The following HECW1 variants were observed in gnomAD, a reference collection of about 807,000 sequenced individuals.
The protein encoded by HECW1 is E3 ubiquitin-protein ligase HECW1.
A neutral mutation model predicts 182.3 loss-of-function variants in HECW1; 61 were observed. The ratio of observed to expected loss-of-function variants is 0.33; its 90% CI spans 0.27 to 0.41. HECW1 has a LOEUF of 0.41. HECW1 is among the 10% of genes least tolerant of loss of function. The pLI is 1.00. For synonymous variants in HECW1, 859 were observed against 832.6 expected, an observed-to-expected ratio of 1.03 and a Z score of -0.55; for missense variants, 1,739 against 2,108.9, an observed-to-expected ratio of 0.82 and a Z score of 3.44.
chr7:43,195,870 G>T (rs970363391), intron 2 of HECW1, among the ~76,000 whole-genome samples: 3 of 152,114 alleles, frequency 2.0e-5, no homozygotes, highest in Non-Finnish European at 4.4e-5. Flanking sequence ...CAGAACTGTG[G>T]TGCCACCCAT....
At chr7:43,140,509 C>T (rs372072192) in intron 2 of HECW1, among the ~76,000 whole-genome samples, 57 of 152,354 alleles carry the variant, frequency 3.7e-4, no homozygotes, top group African/African-American at 1.3e-3. Flanking sequence ...AAGAACCACA[C>T]ATCGAATCCA....
chr7:43,327,261 A>G (rs80103686), intron 5 of HECW1, among the ~76,000 whole-genome samples: 2,650 of 152,274 alleles, frequency 0.017, 76 homozygotes, highest in African/African-American at 0.058. Context: ...GTATGACTCC[A>G]TATACATATC....
intron 3 of HECW1, among the ~76,000 whole-genome samples, chr7:43,309,332 G>T (rs921973849): frequency 7.2e-5 from 11 of 152,174 alleles, no homozygotes; most frequent in African/African-American, 1.9e-4. Context: ...CGGCTTTGAG[G>T]CTGCCCTGCT....
chr7:43,291,975 T>C (rs2152755879), intron 3 of HECW1, among the ~76,000 whole-genome samples: 1 of 152,334 alleles, frequency 6.6e-6, no homozygotes, highest in South Asian at 2.1e-4. Flanking sequence ...CAGTTTTAAG[T>C]CCCTGCCTTC....
intron 3 of HECW1, among the ~76,000 whole-genome samples, chr7:43,268,495 A>G (rs113317114): frequency 0.018 from 2,684 of 152,304 alleles, 76 homozygotes; most frequent in African/African-American, 0.06. Context: ...CATGACTTGG[A>G]CATGCTACTG....
At chr7:43,520,433 C>T (rs542638083) in intron 24 of HECW1, among the ~76,000 whole-genome samples, 98 of 152,194 alleles carry the variant, frequency 6.4e-4, no homozygotes, top group African/African-American at 2.2e-3. Flanking sequence ...GCCCTCCCCA[C>T]GCTTCCTTAG....
intron 18 of HECW1, among the ~76,000 whole-genome samples, chr7:43,492,768 A>T (rs1177234887): frequency 6.6e-6 from 1 of 152,158 alleles, no homozygotes; most frequent in Non-Finnish European, 1.5e-5. Flanking sequence ...AGAGAGGAGA[A>T]CTCCTCTTAT....
At chr7:43,156,191 A>G (rs910086134) in intron 2 of HECW1, among the ~76,000 whole-genome samples, 36 of 152,264 alleles carry the variant, frequency 2.4e-4, no homozygotes, top group Non-Finnish European at 4.3e-4. Flanking sequence ...AAAGACTACC[A>G]TATAAAGAAA....
chr7:43,381,096 A>T (rs896605399), intron 6 of HECW1, among the ~76,000 whole-genome samples: 28 of 151,996 alleles, frequency 1.8e-4, no homozygotes, highest in Non-Finnish European at 2.6e-4. Flanking sequence ...TGAAGTGAAC[A>T]TTTTTTCATG....
In HECW1 at chr7:43,565,579, A is replaced by T. The variant is rs11978853; in HGVS notation, c.*3653A>T. 24,380 of 148,176 alleles carry T rather than the reference A, an allele frequency of 0.16. 2,307 individuals are homozygous for T. Among genetic ancestry groups the T allele is most frequent in the Non-Finnish European group, 0.22 (16,668 of 75,240 alleles). 9.2% of individuals were successfully genotyped at this position (148,176 alleles called of 1,614,324 possible). A position where few individuals can be genotyped will look rare whatever the true frequency, so the allele number is the denominator to read the frequency against. On this transcript the variant is annotated 3_prime_UTR_variant, in exon 30 of 30. Coordinates refer to ENST00000395891, the MANE Select transcript of HECW1 (RefSeq NM_015052.5). Reference sequence around the variant, plus strand: ...GTGCTTTATTATTATTATTATTATTATTTTTATTATTATTATTATTACGTA... The same window carrying T: ...GTGCTTTATTATTATTATTATTATTTTTTTTATTATTATTATTATTACGTA...
chr7:43,259,387 CAA>C (rs36088559), intron 3 of HECW1, among the ~76,000 whole-genome samples: 1 of 137,452 alleles, frequency 7.3e-6, no homozygotes, highest in Non-Finnish European at 1.6e-5. Context: ...ACTCCATGTC[CAA>C]AAAAAAAAAC....
chr7:43,486,342 A>G (rs1464872417), intron 17 of HECW1, among the ~76,000 whole-genome samples: 1 of 151,276 alleles, frequency 6.6e-6, no homozygotes, highest in Non-Finnish European at 1.5e-5. Context: ...GCTGGAGTGC[A>G]ATGGCACGGA....
At chr7:43,382,002 G>A (rs560309912) in intron 6 of HECW1, among the ~76,000 whole-genome samples, 64 of 150,972 alleles carry the variant, frequency 4.2e-4, no homozygotes, top group African/African-American at 1.5e-3. Flanking sequence ...ATGGATAGAA[G>A]ATAAAAATAG....
At chr7:43,168,672 A>G (rs1791377597) in intron 2 of HECW1, among the ~76,000 whole-genome samples, 1 of 152,094 alleles carries the variant, frequency 6.6e-6, no homozygotes, top group Admixed American at 6.6e-5. Flanking sequence ...AAATAATAAT[A>G]AGAATAATAA....
At chr7:43,272,518 T>C (rs539720954) in intron 3 of HECW1, among the ~76,000 whole-genome samples, 184 of 152,080 alleles carry the variant, frequency 1.2e-3, no homozygotes, top group African/African-American at 4.2e-3. Context: ...GCAAAAGACA[T>C]GAACAGACAC....
At chr7:43,473,222 C>T (rs1015255835) in intron 16 of HECW1, among the ~76,000 whole-genome samples, 3 of 152,214 alleles carry the variant, frequency 2.0e-5, no homozygotes, top group Admixed American at 6.5e-5. Context: ...CACCCTCCAC[C>T]GTGAGTGGAA....
In HECW1 at chr7:43,444,700, G is replaced by A; in HGVS notation, c.1528G>A (p.Gly510Arg). The A allele has an allele frequency of 6.2e-7, 1 of 1,609,260 alleles. No homozygotes were observed. Among genetic ancestry groups the A allele is most frequent in the Non-Finnish European group, 8.5e-7 (1 of 1,177,694 alleles). Residue 510 changes from glycine to arginine, a missense_variant, in exon 11 of 30, where the codon GGA becomes AGA. Gly to Arg is a moderately radical substitution (Grantham distance 125). This residue lies in a region of HECW1 where 971 missense variants were observed against 1,029.1 expected (regional missense o/e 0.94). Coordinates refer to ENST00000395891, the MANE Select transcript of HECW1 (RefSeq NM_015052.5). The surrounding 1 kb of genome is among the most constrained non-coding windows in gnomAD (Gnocchi z 4.3). Reference protein sequence around the residue: ...EEEEKEQEEEGDVSTLEQGEG... With the variant: ...EEEEKEQEEERDVSTLEQGEG... ...AGAGGAGAAGGAGCAGGAGGAGGAG[G>A]GAGATGTGTCTACCCTGGAGCAGGG...
chr7:43,333,363 A>G lies in HECW1; in HGVS notation c.460+12621A>G, dbSNP rs1015264282. ...GAAAGTCACATTAAAAGAAAAGGCAACACAGGATTTCAATCGCTTCCTCAC... is the reference window on the plus strand; with the variant it reads ...GAAAGTCACATTAAAAGAAAAGGCAGCACAGGATTTCAATCGCTTCCTCAC... On this transcript the variant is annotated intron_variant, in intron 5 of 29. Coordinates refer to ENST00000395891, the MANE Select transcript of HECW1 (RefSeq NM_015052.5). 2.6e-5 allele frequency among the ~76,000 whole-genome samples: 4 copies of G among 152,194 alleles called. No homozygotes were observed. In the East Asian group the frequency reaches 7.7e-4, roughly 29 times the overall value.
Position 43,292,947 on chromosome 7 carries a change from A to G in HECW1, c.28-18816A>G, listed in dbSNP as rs1386060420. Among the ~76,000 whole-genome samples the G allele has an allele frequency of 2.6e-5, 4 of 152,190 alleles. No homozygotes were observed. In the East Asian group the frequency reaches 7.7e-4, roughly 29 times the overall value. Reference sequence around the variant, plus strand: ...AGAACGAAAGCTGGGATTTATTGAAAATGAAAGTACGTCACACCTGTAATC... The same window carrying G: ...AGAACGAAAGCTGGGATTTATTGAAGATGAAAGTACGTCACACCTGTAATC... On this transcript the variant is annotated intron_variant, in intron 3 of 29. Transcript: ENST00000395891.
Sources: allele counts gnomAD v4.1 joint callset (sites outside exome capture counted in the v4.1 genomes callset), GRCh38; gene constraint gnomAD v4.1.1; regional missense constraint gnomAD v4.1.1; non-coding constraint Gnocchi (gnomAD v3.1); transcripts MANE v1.5; gene names NCBI Gene and HGNC (gene_info 2026-07-23, HGNC 2026-07-21).